Variants in DSE observed in about 807,000 individuals in gnomAD.
DSE encodes dermatan-sulfate epimerase.
A neutral mutation model predicts 84.4 loss-of-function variants in DSE; 36 were observed. The ratio of observed to expected loss-of-function variants is 0.43; its 90% CI spans 0.33 to 0.56. DSE has a LOEUF of 0.56. Ranked by LOEUF, DSE falls within the 20% of genes least tolerant of loss-of-function variation. DSE has a pLI of 0.06. For synonymous variants in DSE, 410 were observed against 430.1 expected (o/e 0.95, Z 0.58); for missense variants, 862 against 1,169.6 (o/e 0.74, Z 3.84).
intron 2 of DSE, among the ~76,000 whole-genome samples, chr6:116,421,567 T>G (rs1005256432): frequency 1.4e-5 from 2 of 146,910 alleles, no homozygotes; most frequent in African/African-American, 2.5e-5. Context: ...TTTGAACTTC[T>G]GGGCTCCAGC....
chr6:116,377,755 G>A (rs1468716232), intron 1 of DSE, among the ~76,000 whole-genome samples: 1 of 152,178 alleles, frequency 6.6e-6, no homozygotes, highest in Non-Finnish European at 1.5e-5. Flanking sequence ...ATCCAACACG[G>A]TGTAGAGCAG....
At chr6:116,374,351 C>T (rs1431765559) in intron 1 of DSE, among the ~76,000 whole-genome samples, 1 of 152,108 alleles carries the variant, frequency 6.6e-6, no homozygotes, top group Non-Finnish European at 1.5e-5. Context: ...TTGTGGCAGG[C>T]CTTTGAGGAG....
At chr6:116,435,093 T>C (rs780523222) in intron 5 of DSE, among the ~76,000 whole-genome samples, 38 of 152,214 alleles carry the variant, frequency 2.5e-4, no homozygotes, top group Non-Finnish European at 4.4e-4. Flanking sequence ...TATTTCAGTT[T>C]ATTTTTTCAA....
At chr6:116,285,296 C>T (rs1338343051) in intron 2 of DSE, among the ~76,000 whole-genome samples, 4 of 152,224 alleles carry the variant, frequency 2.6e-5, no homozygotes, top group Non-Finnish European at 4.4e-5. Context: ...TTTCATGTGT[C>T]TGTAGGCTGT....
intron 2 of DSE, among the ~76,000 whole-genome samples, chr6:116,406,287 G>A (rs953332339): frequency 1.3e-5 from 2 of 151,968 alleles, no homozygotes; most frequent in African/African-American, 4.8e-5. Flanking sequence ...CTTTAATTGG[G>A]GTATAAATCA....
At chr6:116,315,729 C>T (rs1007482429) in intron 2 of DSE, among the ~76,000 whole-genome samples, 17 of 152,132 alleles carry the variant, frequency 1.1e-4, no homozygotes, top group Non-Finnish European at 1.9e-4. Flanking sequence ...GGGCTGGGCA[C>T]GGTGGCTCAC....
intron 3 of DSE, 61 bp from the exon 4 acceptor site, chr6:116,430,893 A>G: frequency 6.3e-7 from 1 of 1,586,386 alleles, no homozygotes; most frequent in Non-Finnish European, 8.6e-7. Context: ...TATTGGCCAT[A>G]TTTTTGTTTA....
chr6:116,390,019 A>G (rs528891697), intron 1 of DSE, among the ~76,000 whole-genome samples: 1 of 150,988 alleles, frequency 6.6e-6, no homozygotes, highest in South Asian at 2.1e-4. Flanking sequence ...TAGGGAAGGT[A>G]TAGATTTTCT....
At chr6:116,302,577 C>G (rs1413566656) in intron 2 of DSE, among the ~76,000 whole-genome samples, 1 of 152,050 alleles carries the variant, frequency 6.6e-6, no homozygotes, top group Non-Finnish European at 1.5e-5. Context: ...AACATTTTCT[C>G]TCATTTTGTA....
intron 2 of DSE, among the ~76,000 whole-genome samples, chr6:116,306,891 G>A (rs1775378733): frequency 6.6e-6 from 1 of 152,160 alleles, no homozygotes; most frequent in Non-Finnish European, 1.5e-5. Flanking sequence ...GCCCTCCCCA[G>A]GAGCCAAATT....
At chr6:116,284,311 T>C (rs770658442) in intron 2 of DSE, among the ~76,000 whole-genome samples, 2 of 152,204 alleles carry the variant, frequency 1.3e-5, no homozygotes, top group Admixed American at 6.5e-5. Context: ...ACATCCAGTG[T>C]GTCACATCTT....
chr6:116,412,054 CAAAGA>C, intron 2 of DSE, among the ~76,000 whole-genome samples: 1 of 152,254 alleles, frequency 6.6e-6, no homozygotes, highest in East Asian at 1.9e-4. Flanking sequence ...TTATGATTCA[CAAAGA>C]AAAGTTCTAA....
intron 2 of DSE, among the ~76,000 whole-genome samples, chr6:116,294,977 T>A (rs1274261649): frequency 6.6e-6 from 1 of 152,118 alleles, no homozygotes; most frequent in African/African-American, 2.4e-5. Flanking sequence ...TGATGAGGAT[T>A]TAACGATAAA....
chr6:116,337,019 C>T (rs933655510), intron 2 of DSE, among the ~76,000 whole-genome samples: 12 of 152,088 alleles, frequency 7.9e-5, no homozygotes, highest in African/African-American at 2.7e-4. Context: ...ATTAATAATG[C>T]CAGTGTTTAC....
upstream of DSE, among the ~76,000 whole-genome samples, chr6:116,368,343 T>A (rs997802508): frequency 6.6e-6 from 1 of 152,164 alleles, no homozygotes; most frequent in African/African-American, 2.4e-5. Flanking sequence ...CAGAGGAAGG[T>A]ACCTGAGAAT....
intron 2 of DSE, among the ~76,000 whole-genome samples, chr6:116,303,176 T>A (rs1290537104): frequency 6.6e-6 from 1 of 152,144 alleles, no homozygotes; most frequent in Middle Eastern, 3.2e-3. Context: ...TTGCTTGAAT[T>A]TCTCTTTACC....
chr6:116,268,350 A>G (rs1380669118), intron 2 of DSE, among the ~76,000 whole-genome samples: 4 of 152,270 alleles, frequency 2.6e-5, no homozygotes, highest in Non-Finnish European at 4.4e-5. Flanking sequence ...ACTATACCAT[A>G]GAGCCTACAT....
chr6:116,274,533 T>A (rs987244286), intron 2 of DSE, among the ~76,000 whole-genome samples: 1 of 151,226 alleles, frequency 6.6e-6, no homozygotes, highest in African/African-American at 2.4e-5. Flanking sequence ...TGAGCCGAGA[T>A]GGTGCCATTG....
intron 2 of DSE, among the ~76,000 whole-genome samples, chr6:116,359,753 A>T (rs1778786505): frequency 6.6e-6 from 1 of 152,260 alleles, no homozygotes; most frequent in African/African-American, 2.4e-5. Flanking sequence ...ATTACAAATT[A>T]GGAATCTATA....
Sources: gnomAD v4.1 joint callset for allele counts (sites outside exome capture counted in the v4.1 genomes callset) on GRCh38, gnomAD v4.1.1 for gene constraint, MANE v1.5 for transcripts, NCBI Gene and HGNC (gene_info 2026-07-23, HGNC 2026-07-21) for gene names.